LAMA3: variants seen among roughly 807,000 people sequenced by gnomAD.
The protein encoded by LAMA3 is laminin subunit alpha 3, also known as laminin subunit alpha-3.
A neutral mutation model predicts 402.0 loss-of-function variants in LAMA3; 281 were observed. The ratio of observed to expected loss-of-function variants is 0.70; its 90% confidence interval spans 0.63 to 0.77. LAMA3 has a LOEUF of 0.77. Among genes scored for constraint, LAMA3 ranks in the 30% least tolerant of loss-of-function variants. The pLI, the probability that LAMA3 is intolerant of heterozygous loss-of-function variation, is 0.00. For missense variants in LAMA3, 3,840 were observed against 4,215.5 expected (o/e 0.91, Z 2.47); for synonymous variants, 1,431 against 1,558.4 (o/e 0.92, Z 1.93).
At position 23,876,442 on chromosome 18, in the gene LAMA3, CA is replaced by C. The variant is rs755385406; in HGVS notation, c.5112+37del. 3 of 1,337,148 alleles carry C rather than the reference CA, an allele frequency of 2.2e-6. No homozygotes were observed. The South Asian group carries it at 3.5e-5, about 16-fold the overall frequency. 82.8% of individuals were successfully genotyped at this position (1,337,148 alleles called of 1,614,324 possible). A position where few individuals can be genotyped will look rare whatever the true frequency, so the allele number is the denominator to read the frequency against. On this transcript the variant is annotated intron_variant, in intron 39 of 74. Transcript: ENST00000313654. Reference sequence around the variant, plus strand: ...TTGACACTTTAATGCTATCAGCAGACAATCTGTTTCTCCTCCATTCCCCTGT... The same window carrying C: ...TTGACACTTTAATGCTATCAGCAGACATCTGTTTCTCCTCCATTCCCCTGT...
intron 2 of LAMA3, among the ~76,000 whole-genome samples, chr18:23,730,350 C>CT (rs1462313033): frequency 1.4e-5 from 2 of 147,240 alleles, no homozygotes; most frequent in Non-Finnish European, 3.0e-5. Context: ...CCTCCCCAGT[C>CT]TTTTTTTCTT....
chr18:23,884,678 C>A, intron 40 of LAMA3, 95 bp from the exon 41 acceptor site: 2 of 1,157,956 alleles, frequency 1.7e-6, no homozygotes, highest in Non-Finnish European at 2.6e-6. Flanking sequence ...GGTTTCAGTG[C>A]TCACTTAATA....
rs145809364 is a variant in LAMA3 at position 23,774,812 on chromosome 18, T to TAAAAA, written c.1274-976_1274-972dup. Among the ~76,000 whole-genome samples, 891 of 152,138 alleles carry TAAAAA rather than the reference T, an allele frequency of 5.9e-3. 12 individuals are homozygous for TAAAAA. The highest frequency in any genetic ancestry group is 0.02 in the African/African-American group (823 of 41,488). On this transcript the variant is annotated intron_variant, in intron 9 of 74. Coordinates refer to ENST00000313654, the MANE Select transcript of LAMA3 (RefSeq NM_198129.4). ...TTCTCTCTAGGGCATTCTTAGTTGT[T>TAAAAA]AAAAAAAATGTGTTTTCACTTTTCT...
At chr18:23,806,214 A>G (rs2144238200) in intron 12 of LAMA3, among the ~76,000 whole-genome samples, 1 of 152,158 alleles carries the variant, frequency 6.6e-6, no homozygotes, top group East Asian at 1.9e-4. Context: ...GGGCCCAATT[A>G]CCCCCATTGC....
chr18:23,801,946 A>T (rs773339371), intron 12 of LAMA3, among the ~76,000 whole-genome samples: 1 of 152,244 alleles, frequency 6.6e-6, no homozygotes, highest in African/African-American at 2.4e-5. Flanking sequence ...TACATATAAC[A>T]TACGCATATA....
chr18:23,878,986 C>T (rs562179990), intron 39 of LAMA3, among the ~76,000 whole-genome samples: 1 of 151,900 alleles, frequency 6.6e-6, no homozygotes, highest in Non-Finnish European at 1.5e-5. Context: ...TCCTCTCCCC[C>T]CAATTCCCCT....
chr18:23,929,704 A>C (rs7244601), intron 64 of LAMA3, among the ~76,000 whole-genome samples: 75,825 of 152,010 alleles, frequency 0.5, 22,304 homozygotes, highest in Non-Finnish European at 0.67. Flanking sequence ...CCAGTCCTTG[A>C]GGTTTTATTT....
chr18:23,731,801 C>G (rs1472849929), intron 2 of LAMA3, among the ~76,000 whole-genome samples: 1 of 152,104 alleles, frequency 6.6e-6, no homozygotes, highest in African/African-American at 2.4e-5. Flanking sequence ...TGGGAAACTA[C>G]TGGGTACCAT....
At position 23,839,848 on chromosome 18, in the gene LAMA3, T is replaced by C. The variant is rs779936941; in HGVS notation, c.3255T>C (p.Ser1085=). ...PPTALILDVL[S]GRPFPHLPQQ... ...CAGCATTAATTTTGGATGTTCTAAG[T>C]GGCAGGCCTTTCCCTCACCTGCCCC... Residue 1085 remains serine, a synonymous_variant, in exon 27 of 75, where the codon AGT becomes AGC. Coordinates refer to ENST00000313654, the MANE Select transcript of LAMA3 (RefSeq NM_198129.4). The surrounding 1 kb of genome is among the most constrained non-coding windows in gnomAD (Gnocchi z 4.5). 5.6e-6 allele frequency: 9 copies of C among 1,613,998 alleles called. No individual in the cohort carries two copies. In the South Asian group the frequency reaches 7.7e-5, roughly 14 times the overall value.
At chr18:23,869,593 A>G (rs966172780) in intron 37 of LAMA3, among the ~76,000 whole-genome samples, 1 of 152,236 alleles carries the variant, frequency 6.6e-6, no homozygotes, top group African/African-American at 2.4e-5. Context: ...TATAAGCATC[A>G]TATTTGTATG....
intron 1 of LAMA3, among the ~76,000 whole-genome samples, chr18:23,690,588 A>G (rs1391647510): frequency 2.0e-5 from 3 of 152,134 alleles, no homozygotes; most frequent in Non-Finnish European, 4.4e-5. Flanking sequence ...ACCCGGGGCA[A>G]ACGACATTGC....
At chr18:23,898,097 A>G (rs1241914762) in intron 44 of LAMA3, among the ~76,000 whole-genome samples, 1 of 152,222 alleles carries the variant, frequency 6.6e-6, no homozygotes, top group African/African-American at 2.4e-5. Context: ...ATGGAAAATA[A>G]TCACCATTCT....
At chr18:23,887,729 A>G (rs12954531) in intron 41 of LAMA3, among the ~76,000 whole-genome samples, 72,108 of 152,090 alleles carry the variant, frequency 0.47, 19,229 homozygotes, top group Non-Finnish European at 0.62. Context: ...TAGAAGCCAG[A>G]GTGGCCAGCT....
chr18:23,704,336 C>G (rs895132544), intron 1 of LAMA3, among the ~76,000 whole-genome samples: 1 of 152,192 alleles, frequency 6.6e-6, no homozygotes. Flanking sequence ...ATGTAGCTCA[C>G]AAGAGCAGCT....
At chr18:23,797,329 A>G (rs1350771607) in intron 12 of LAMA3, among the ~76,000 whole-genome samples, 1 of 152,076 alleles carries the variant, frequency 6.6e-6, no homozygotes, top group Non-Finnish European at 1.5e-5. Flanking sequence ...ATTTACAACC[A>G]ATCACCATGG....
chr18:23,723,813 C>T (rs1007563393), intron 2 of LAMA3, among the ~76,000 whole-genome samples: 3 of 152,014 alleles, frequency 2.0e-5, no homozygotes, highest in African/African-American at 7.2e-5. Context: ...ACAGAAAAAG[C>T]TCTCAGAATA....
At position 23,932,155 on chromosome 18, in the gene LAMA3, T is replaced by C. The variant is rs2145406294; in HGVS notation, c.8577-5T>C. On this transcript the variant is annotated splice_polypyrimidine_tract_variant and splice_region_variant and intron_variant, in intron 65 of 74. Coordinates refer to ENST00000313654, the MANE Select transcript of LAMA3 (RefSeq NM_198129.4). The stretch of plus-strand genomic sequence containing the variant: ...CACCCATGATTTGCTTTTCTTCCCT[T>C]TCAGACTACGGCTTCTCATCGATGA... The C allele has an allele frequency of 6.2e-7, 1 of 1,613,874 alleles. No individual in the cohort carries two copies. The highest frequency in any genetic ancestry group is 2.2e-5 in the East Asian group (1 of 44,878).
intron 34 of LAMA3, among the ~76,000 whole-genome samples, chr18:23,859,209 C>G (rs150110354): frequency 0.01 from 1,547 of 152,288 alleles, 19 homozygotes; most frequent in Non-Finnish European, 0.017. Flanking sequence ...TTAAATAAAT[C>G]GAGTTTGTCA....
Position 23,952,991 on chromosome 18 carries a change from C to T in LAMA3, c.9738C>T (p.Val3246=), listed in dbSNP as rs886053679. 6.2e-7 allele frequency: 1 copy of T among 1,614,060 alleles called. No individual in the cohort carries two copies. Among genetic ancestry groups the T allele is most frequent in the Non-Finnish European group, 8.5e-7 (1 of 1,179,948 alleles). The change falls in exon 74 of 75, where the codon GTC becomes GTT. Residue 3246 remains valine (V), a splice_region_variant and synonymous_variant. Coordinates refer to ENST00000313654, the MANE Select transcript of LAMA3 (RefSeq NM_198129.4). ...ACCTAACCAGCCTCCTTTCCCCAGT[C>T]ACCATAAAACAACACATCCTGCACC... is the stretch of plus-strand genomic sequence containing the variant. ...LCDGQWHSVA[V]TIKQHILHLE...
Sources: allele counts gnomAD v4.1 joint callset (sites outside exome capture counted in the v4.1 genomes callset), GRCh38; gene constraint gnomAD v4.1.1; non-coding constraint Gnocchi (gnomAD v3.1); transcripts MANE v1.5; gene names NCBI Gene and HGNC (gene_info 2026-07-23, HGNC 2026-07-21).